DRC9: variants seen among roughly 807,000 people sequenced by gnomAD.
The protein encoded by DRC9 is dynein regulatory complex subunit 9.
the DRC9 span, chr3:197,926,065 G>T: frequency 6.3e-7 from 1 of 1,588,840 alleles, no homozygotes; most frequent in Non-Finnish European, 8.6e-7. Context: ...TTAATTAGCT[G>T]TTTTTGAAGT....
At chr3:197,952,045 C>T in the DRC9 span, among the ~76,000 whole-genome samples, 1 of 151,684 alleles carries the variant, frequency 6.6e-6, no homozygotes, top group East Asian at 1.9e-4. Flanking sequence ...GAGGTAATTC[C>T]TTATATTGTG....
the DRC9 span, among the ~76,000 whole-genome samples, chr3:197,953,091 G>C: frequency 2.0e-5 from 3 of 152,236 alleles, no homozygotes; most frequent in Non-Finnish European, 4.4e-5. Flanking sequence ...GAGCCATCGT[G>C]CCATTGCACC....
chr3:197,958,703 T>G, the DRC9 span: 1 of 152,226 alleles, frequency 6.6e-6, no homozygotes, highest in Non-Finnish European at 1.5e-5. Context: ...ACATGTGCAA[T>G]GGCAAATGAG....
chr3:197,908,666 A>C, the DRC9 span, among the ~76,000 whole-genome samples: 3 of 136,882 alleles, frequency 2.2e-5, no homozygotes, highest in African/African-American at 8.5e-5. Context: ...AACCCTTTCC[A>C]AGGCACCCTC....
chr3:197,946,429 C>T, the DRC9 span, among the ~76,000 whole-genome samples: 13 of 115,526 alleles, frequency 1.1e-4, no homozygotes, highest in East Asian at 2.2e-4. Context: ...AGCGAGACTC[C>T]GTCTCAAAAA....
chr3:197,904,876 G>A, the DRC9 span, among the ~76,000 whole-genome samples: 1 of 152,112 alleles, frequency 6.6e-6, no homozygotes, highest in East Asian at 1.9e-4. Flanking sequence ...ATTTAAAAAG[G>A]TGGGACATAT....
chr3:197,889,463 GTC>G, the DRC9 span: 1 of 1,187,022 alleles, frequency 8.4e-7, no homozygotes, highest in Non-Finnish European at 1.2e-6. Flanking sequence ...CCCTGGGAAA[GTC>G]TCAATAGGAA....
the DRC9 span, chr3:197,892,762 A>G: frequency 7.4e-6 from 12 of 1,614,012 alleles, no homozygotes; most frequent in East Asian, 6.7e-5. Flanking sequence ...TCAAGTTTCT[A>G]TTTGGAAAGA....
the DRC9 span, among the ~76,000 whole-genome samples, chr3:197,920,009 G>A: frequency 6.6e-6 from 1 of 150,882 alleles, no homozygotes; most frequent in African/African-American, 2.5e-5. Flanking sequence ...AGACCAGCCT[G>A]GCTAACATGG....
the DRC9 span, chr3:197,906,666 T>A: frequency 6.6e-6 from 1 of 152,220 alleles, no homozygotes; most frequent in Non-Finnish European, 1.5e-5. Flanking sequence ...ACAGTCACTC[T>A]GTAAATAGCA....
the DRC9 span, among the ~76,000 whole-genome samples, chr3:197,942,173 C>A: frequency 6.6e-6 from 1 of 152,018 alleles, no homozygotes; most frequent in Admixed American, 6.6e-5. Flanking sequence ...GCTAACAGCA[C>A]GTAACTATAT....
chr3:197,956,189 G>C, the DRC9 span: 2 of 212,812 alleles, frequency 9.4e-6, no homozygotes, highest in Non-Finnish European at 9.0e-6. Flanking sequence ...CTGGGCTCAA[G>C]CAATCCTCCT....
the DRC9 span, chr3:197,950,038 A>G: frequency 3.1e-4 from 299 of 972,734 alleles, no homozygotes; most frequent in Non-Finnish European, 2.5e-5. Context: ...AGGACTTAGG[A>G]AAATAATTGT....
chr3:197,953,737 A>G, the DRC9 span: 1 of 541,608 alleles, frequency 1.8e-6, no homozygotes. Flanking sequence ...TGCCTCTGTT[A>G]TCATCTGACC....
chr3:197,893,414 AG>A, the DRC9 span, among the ~76,000 whole-genome samples: 21 of 151,344 alleles, frequency 1.4e-4, no homozygotes, highest in African/African-American at 5.1e-4. Context: ...TGTCTGGATA[AG>A]GGAAGTTGCA....
the DRC9 span, among the ~76,000 whole-genome samples, chr3:197,904,057 T>C: frequency 4.2e-4 from 38 of 89,474 alleles, no homozygotes; most frequent in African/African-American, 1.3e-3. Context: ...TACATACATA[T>C]ATATATATAC....
At chr3:197,931,210 G>T in the DRC9 span, among the ~76,000 whole-genome samples, 1 of 151,130 alleles carries the variant, frequency 6.6e-6, no homozygotes, top group Admixed American at 6.6e-5. Flanking sequence ...GGCCGAGCGC[G>T]GTGGCTCATG....
the DRC9 span, chr3:197,912,494 C>T: frequency 3.7e-6 from 2 of 539,556 alleles, no homozygotes; most frequent in East Asian, 6.0e-5. Flanking sequence ...CCTGCACTCT[C>T]TCAAATTACA....
the DRC9 span, among the ~76,000 whole-genome samples, chr3:197,937,413 A>T: frequency 2.7e-3 from 407 of 152,024 alleles, 5 homozygotes; most frequent in African/African-American, 9.4e-3. Context: ...CTAAAGCCTT[A>T]TTTCTAACCC....
Sources: gnomAD v4.1 joint callset for allele counts (sites outside exome capture counted in the v4.1 genomes callset) on GRCh38, gnomAD v4.1.1 for gene constraint, MANE v1.5 for transcripts, NCBI Gene and HGNC (gene_info 2026-07-23, HGNC 2026-07-21) for gene names.